The following SPTSSB variants were observed in gnomAD, a reference collection of about 807,000 sequenced individuals.
The protein encoded by SPTSSB is androgen down regulated in mouse prostate.
In SPTSSB, 6 loss-of-function variants were observed where a neutral mutation model predicts 7.7. That is an observed-to-expected ratio of 0.78 (90% CI 0.43 to 1.54). The LOEUF (loss-of-function observed/expected upper bound fraction) is 1.54, where lower values mean the gene tolerates loss of function less well. Ranked by LOEUF, SPTSSB falls within the 40% of genes most tolerant of loss-of-function variation. SPTSSB has a pLI of 0.01. For missense variants in SPTSSB, 91 were observed against 93.0 expected, an observed-to-expected ratio of 0.98 and a Z score of 0.09; for synonymous variants, 28 against 29.7, an observed-to-expected ratio of 0.94 and a Z score of 0.19.
intron 1 of SPTSSB, among the ~76,000 whole-genome samples, chr3:161,361,087 G>T (rs1222120166): frequency 6.6e-6 from 1 of 152,140 alleles, no homozygotes; most frequent in Non-Finnish European, 1.5e-5. Flanking sequence ...GTCCTGGAAG[G>T]TTTCCTCTGG....
rs759111596 is a variant in SPTSSB at position 161,358,010 on chromosome 3, T to C, written c.-33+1792A>G. 1.3e-4 allele frequency among the ~76,000 whole-genome samples: 20 copies of C among 151,686 alleles called. 1 individual carries two copies. Among genetic ancestry groups the C allele is most frequent in the Admixed American group, 3.3e-4 (5 of 15,204 alleles). Reference sequence around the variant, plus strand: ...CTTCCTTAGAAATGGTAGAATCTTATAATGTGATCTCTTTGCAGGCAATAG... The same window carrying C: ...CTTCCTTAGAAATGGTAGAATCTTACAATGTGATCTCTTTGCAGGCAATAG... On this transcript the variant is annotated intron_variant, in intron 2 of 2. Coordinates refer to ENST00000620149, the MANE Select transcript of SPTSSB (RefSeq NM_001040100.2).
In SPTSSB at chr3:161,346,016, A is replaced by G. The variant is rs866825987; in HGVS notation, c.*77T>C. 1.3e-6 allele frequency: 1 copy of G among 757,754 alleles called. No homozygotes were observed. Among genetic ancestry groups the G allele is most frequent in the South Asian group, 1.6e-5 (1 of 62,016 alleles). The allele number at this position is 757,754 out of a possible 1,614,324, so 46.9% of individuals were successfully genotyped here. A position where few individuals can be genotyped will look rare whatever the true frequency, so the allele number is the denominator to read the frequency against. On this transcript the variant is annotated 3_prime_UTR_variant, in exon 3 of 3. Transcript: ENST00000620149. Reference sequence around the variant, plus strand: ...TTTTCAGGTCAGATAGTGAAGGAAGACACAATAGTTACCTAAATCAATAAG... The same window carrying G: ...TTTTCAGGTCAGATAGTGAAGGAAGGCACAATAGTTACCTAAATCAATAAG...
intron 1 of SPTSSB, among the ~76,000 whole-genome samples, chr3:161,364,732 A>G (rs931006029): frequency 1.3e-5 from 2 of 151,966 alleles, no homozygotes. Context: ...ATCAGTGAAC[A>G]TTCATTGGTG....
intron 2 of SPTSSB, among the ~76,000 whole-genome samples, chr3:161,348,867 A>C (rs951143711): frequency 6.6e-6 from 1 of 152,176 alleles, no homozygotes; most frequent in Non-Finnish European, 1.5e-5. Flanking sequence ...TATCATGAGA[A>C]GGTGAGAAGA....
At chr3:161,365,029 A>G (rs1223117847) in intron 1 of SPTSSB, among the ~76,000 whole-genome samples, 2 of 152,218 alleles carry the variant, frequency 1.3e-5, no homozygotes. Context: ...TGATCTTATA[A>G]TGGAGCTGAA....
At position 161,344,804 on chromosome 3, in the gene SPTSSB, T is replaced by C. The variant is rs940013294; in HGVS notation, c.*1289A>G. The stretch of plus-strand genomic sequence containing the variant: ...GTAAATCTGGAAGTAGATATTTACT[T>C]ACAAAATTAATTTTATTTTGCAAAA... On this transcript the variant is annotated 3_prime_UTR_variant, in exon 3 of 3. Coordinates refer to ENST00000620149, the MANE Select transcript of SPTSSB (RefSeq NM_001040100.2). 6.6e-6 allele frequency: 1 copy of C among 152,302 alleles called. No individual in the cohort carries two copies. Among genetic ancestry groups the C allele is most frequent in the South Asian group, 2.1e-4 (1 of 4,832 alleles). The allele number at this position is 152,302 out of a possible 1,614,324, so 9.4% of individuals were successfully genotyped here.
At chr3:161,350,019 T>G (rs1714451460) in intron 2 of SPTSSB, among the ~76,000 whole-genome samples, 2 of 151,994 alleles carry the variant, frequency 1.3e-5, no homozygotes, top group Non-Finnish European at 2.9e-5. Flanking sequence ...CTGGCTTGGA[T>G]GGAGAAGAAA....
At chr3:161,352,546 T>A (rs1411218163) in intron 2 of SPTSSB, among the ~76,000 whole-genome samples, 4 of 152,218 alleles carry the variant, frequency 2.6e-5, no homozygotes, top group African/African-American at 9.6e-5. Flanking sequence ...GTACTGGGAA[T>A]GTGCAGCATT....
At chr3:161,358,995 A>C (rs1433208486) in intron 2 of SPTSSB, among the ~76,000 whole-genome samples, 1 of 152,208 alleles carries the variant, frequency 6.6e-6, no homozygotes, top group African/African-American at 2.4e-5. Context: ...CATTCATAAG[A>C]TAAATCTATT....
At position 161,346,351 on chromosome 3, in the gene SPTSSB, T is replaced by C. The variant is rs1337745311; in HGVS notation, c.-28A>G. ...TTGGCTCCTTCAAGCTGCAGTAAGTTTGTCCTGTTAAAGAATGTAACAGAT... is the reference window on the plus strand; with the variant it reads ...TTGGCTCCTTCAAGCTGCAGTAAGTCTGTCCTGTTAAAGAATGTAACAGAT... On this transcript the variant is annotated 5_prime_UTR_variant, in exon 3 of 3. Coordinates refer to ENST00000620149, the MANE Select transcript of SPTSSB (RefSeq NM_001040100.2). The C allele has an allele frequency of 1.0e-5, 15 of 1,503,404 alleles. No homozygotes were observed. The highest frequency in any genetic ancestry group is 1.4e-5 in the Non-Finnish European group (15 of 1,079,348). The allele number at this position is 1,503,404 out of a possible 1,614,324, so 93.1% of individuals were successfully genotyped here.
intron 1 of SPTSSB, among the ~76,000 whole-genome samples, chr3:161,363,055 T>C (rs1019068525): frequency 6.6e-6 from 1 of 151,986 alleles, no homozygotes; most frequent in Non-Finnish European, 1.5e-5. Context: ...AATTATGTTC[T>C]TAAGAGTTTA....
chr3:161,357,817 A>T (rs1714838026), intron 2 of SPTSSB, among the ~76,000 whole-genome samples: 1 of 152,110 alleles, frequency 6.6e-6, no homozygotes, highest in Non-Finnish European at 1.5e-5. Context: ...GAGCTGGAAG[A>T]GGTGAGGAAG....
intron 2 of SPTSSB, among the ~76,000 whole-genome samples, chr3:161,357,541 A>G (rs920553294): frequency 6.6e-6 from 1 of 152,208 alleles, no homozygotes; most frequent in Non-Finnish European, 1.5e-5. Flanking sequence ...AAATACTTAT[A>G]TTGGGATTTT....
In SPTSSB at chr3:161,345,891, C is replaced by G; in HGVS notation, c.*202G>C. ...GTAAAGTCACTGTATTATCTCCGGT[C>G]TAAAGCACAATGTAGCATGTGCAAA... On this transcript the variant is annotated 3_prime_UTR_variant, in exon 3 of 3. Coordinates refer to ENST00000620149, the MANE Select transcript of SPTSSB (RefSeq NM_001040100.2). 2.1e-6 allele frequency: 1 copy of G among 470,512 alleles called. No homozygotes were observed. The highest frequency in any genetic ancestry group is 3.8e-6 in the Non-Finnish European group (1 of 259,770). The allele number at this position is 470,512 out of a possible 1,614,324, so 29.1% of individuals were successfully genotyped here.
At chr3:161,359,696 G>C (rs28548802) in intron 2 of SPTSSB, 106 bp downstream of exon 2, 11,569 of 978,086 alleles carry the variant, frequency 0.012, 109 homozygotes, top group Admixed American at 0.013. Context: ...ATAAATGTTT[G>C]CTGGCTGCTT....
chr3:161,369,294 CTT>C (rs376743919), intron 1 of SPTSSB, among the ~76,000 whole-genome samples: 1,178 of 75,654 alleles, frequency 0.016, 18 homozygotes, highest in African/African-American at 0.058. Context: ...TCTTTTCTTT[CTT>C]TCTTTCTTTC....
At chr3:161,359,509 G>C (rs748182694) in intron 2 of SPTSSB, 2 of 157,108 alleles carry the variant, frequency 1.3e-5, no homozygotes, top group Non-Finnish European at 1.4e-5. Context: ...CAAGGACTTG[G>C]GGGGAGGGTC....
At chr3:161,365,790 C>G (rs1240735424) in intron 1 of SPTSSB, among the ~76,000 whole-genome samples, 1 of 152,136 alleles carries the variant, frequency 6.6e-6, no homozygotes, top group Non-Finnish European at 1.5e-5. Flanking sequence ...GTCTCTGCTC[C>G]CTTTTAAGCC....
At chr3:161,354,728 A>G (rs766619336) in intron 2 of SPTSSB, among the ~76,000 whole-genome samples, 8 of 152,244 alleles carry the variant, frequency 5.3e-5, no homozygotes, top group African/African-American at 1.2e-4. Context: ...TAGTCCAACT[A>G]TCAATTGGAG....
Sources: gnomAD v4.1 joint callset for allele counts (sites outside exome capture counted in the v4.1 genomes callset) on GRCh38, gnomAD v4.1.1 for gene constraint, MANE v1.5 for transcripts, NCBI Gene and HGNC (gene_info 2026-07-23, HGNC 2026-07-21) for gene names.